Variants in PRDM16 observed in about 807,000 individuals in gnomAD.
PRDM16 encodes histone-lysine N-methyltransferase PRDM16.
A neutral mutation model predicts 110.6 loss-of-function variants in PRDM16; 23 were observed. The ratio of observed to expected loss-of-function variants is 0.21; its 90% confidence interval spans 0.15 to 0.29. The LOEUF is 0.29. PRDM16 is among the 10% of genes least tolerant of loss of function. PRDM16 has a pLI of 1.00. For synonymous variants in PRDM16, 799 were observed against 781.8 expected (o/e 1.02, Z -0.37); for missense variants, 1,615 against 1,794.3 (o/e 0.90, Z 1.81).
chr1:3,308,044 A>G (rs1425091050), intron 3 of PRDM16: 1 of 152,190 alleles, frequency 6.6e-6, no homozygotes, highest in Non-Finnish European at 1.5e-5. Flanking sequence ...ATAAAGGCCC[A>G]AGGGCTCCTG....
chr1:3,261,181 C>T (rs928649391), intron 3 of PRDM16, among the ~76,000 whole-genome samples: 17 of 151,200 alleles, frequency 1.1e-4, no homozygotes, highest in Middle Eastern at 3.4e-3. Context: ...ATGTCCCTCA[C>T]GCCCTGGTCC....
chr1:3,235,790 A>G (rs1639526769), intron 2 of PRDM16, among the ~76,000 whole-genome samples: 3 of 152,206 alleles, frequency 2.0e-5, no homozygotes, highest in African/African-American at 7.2e-5. Flanking sequence ...GCCCTGCTCC[A>G]GGGAATCTCA....
intron 3 of PRDM16, among the ~76,000 whole-genome samples, chr1:3,261,438 C>G (rs1012112847): frequency 5.3e-5 from 8 of 152,170 alleles, no homozygotes; most frequent in Non-Finnish European, 1.2e-4. Context: ...GACGGGGCTT[C>G]TGATAAGCCG....
At chr1:3,402,655 G>T in intron 5 of PRDM16, 136 bp from the exon 6 acceptor site, 1 of 692,006 alleles carries the variant, frequency 1.4e-6, no homozygotes. Flanking sequence ...AGGCTGGAAG[G>T]AAGCAGTGCA....
rs1270256309 is a variant in PRDM16 at position 3,081,966 on chromosome 1, C to A, written c.37+12670C>A. On this transcript the variant is annotated intron_variant, in intron 1 of 16. Transcript: ENST00000270722. This position sits in a 1 kb window ranked among gnomAD's most constrained non-coding sequence, Gnocchi z 4.6. ...ACAGTGTGCCAAGGCAGCGGCAAAG[C>A]CCCCGTGAGCACCAACCCAAGCCTT... is the stretch of plus-strand genomic sequence containing the variant. Among the ~76,000 whole-genome samples the A allele has an allele frequency of 6.6e-6, 1 of 152,232 alleles. No individual in the cohort carries two copies. The highest frequency in any genetic ancestry group is 2.4e-5 in the African/African-American group (1 of 41,466).
chr1:3,241,633 G>A (rs1368446707), intron 2 of PRDM16, among the ~76,000 whole-genome samples: 3 of 152,252 alleles, frequency 2.0e-5, no homozygotes, highest in Non-Finnish European at 2.9e-5. Flanking sequence ...CCAAGCCCAC[G>A]CACGGACCAA....
chr1:3,179,914 T>C (rs2817132), intron 1 of PRDM16, among the ~76,000 whole-genome samples: 120,043 of 151,908 alleles, frequency 0.79, 48,505 homozygotes, highest in Non-Finnish European at 0.86. Flanking sequence ...ACGGTGGACC[T>C]TCCCCAGGCT....
intron 2 of PRDM16, among the ~76,000 whole-genome samples, chr1:3,194,954 G>T (rs1209556315): frequency 1.3e-5 from 2 of 152,208 alleles, no homozygotes; most frequent in Non-Finnish European, 2.9e-5. Context: ...TCTGCGTGAG[G>T]CCAGGAAGCT....
At chr1:3,101,579 GCT>G in intron 1 of PRDM16, among the ~76,000 whole-genome samples, 1 of 152,242 alleles carries the variant, frequency 6.6e-6, no homozygotes, top group East Asian at 1.9e-4. Context: ...CTTGGCCTGA[GCT>G]CTGTCTGTCT....
At position 3,434,765 on chromosome 1, in the gene PRDM16, C is replaced by A; in HGVS notation, c.*954C>A. ...TGGATCCGCCATGCAGAGATGTGGC[C>A]GGGCACCCATCTTCCTTCCCTCCTC... On this transcript the variant is annotated 3_prime_UTR_variant, in exon 17 of 17. Coordinates refer to ENST00000270722, the MANE Select transcript of PRDM16 (RefSeq NM_022114.4). 4.3e-6 allele frequency: 1 copy of A among 232,444 alleles called. No homozygotes were observed. Among genetic ancestry groups the A allele is most frequent in the Non-Finnish European group, 8.5e-6 (1 of 117,542 alleles). 14.4% of individuals were successfully genotyped at this position (232,444 alleles called of 1,614,324 possible). A position where few individuals can be genotyped will look rare whatever the true frequency, so the allele number is the denominator to read the frequency against.
intron 1 of PRDM16, among the ~76,000 whole-genome samples, chr1:3,129,447 A>G (rs2817176): frequency 0.55 from 83,253 of 151,248 alleles, 25,231 homozygotes; most frequent in African/African-American, 0.82. Flanking sequence ...CCTGGTGTGC[A>G]TGTGTCTGTG....
intron 3 of PRDM16, among the ~76,000 whole-genome samples, chr1:3,328,888 G>A (rs534250269): frequency 6.6e-5 from 10 of 152,194 alleles, no homozygotes; most frequent in East Asian, 1.9e-4. Flanking sequence ...TGGACCCCCC[G>A]TTCAGATTCA....
chr1:3,429,648 G>A (rs928106232), intron 14 of PRDM16, among the ~76,000 whole-genome samples: 2 of 152,240 alleles, frequency 1.3e-5, no homozygotes, highest in Admixed American at 1.3e-4. Flanking sequence ...CAGCAGCTCC[G>A]TGGCTGAGGA....
At chr1:3,317,669 G>A (rs1451675194) in intron 3 of PRDM16, among the ~76,000 whole-genome samples, 1 of 152,236 alleles carries the variant, frequency 6.6e-6, no homozygotes, top group Non-Finnish European at 1.5e-5. Flanking sequence ...CTCCTGGGAA[G>A]CCGTCTGAGG....
chr1:3,357,549 A>ATGCCGTGTGCACGCAAAG (rs1557630803), intron 3 of PRDM16, among the ~76,000 whole-genome samples: 2 of 151,722 alleles, frequency 1.3e-5, no homozygotes, highest in African/African-American at 4.9e-5. Flanking sequence ...TTGATCCAGG[A>ATGCCGTGTGCACGCAAAG]AGCGCCGTTC....
chr1:3,116,626 G>A (rs1027682961), intron 1 of PRDM16, among the ~76,000 whole-genome samples: 2 of 152,148 alleles, frequency 1.3e-5, no homozygotes, highest in African/African-American at 2.4e-5. Context: ...CCGCAGCTCC[G>A]GCTCTGATGG....
intron 9 of PRDM16, 31 bp from the exon 10 acceptor site, chr1:3,414,529 G>C: frequency 1.3e-6 from 2 of 1,569,650 alleles, no homozygotes; most frequent in South Asian, 2.3e-5. Context: ...GCGGCTCGGT[G>C]GGGTACGTAA....
At chr1:3,098,397 T>C (rs559175714) in intron 1 of PRDM16, among the ~76,000 whole-genome samples, 1 of 152,218 alleles carries the variant, frequency 6.6e-6, no homozygotes, top group South Asian at 2.1e-4. Flanking sequence ...GCAAGGGGCT[T>C]AATGGTCAGA....
At chr1:3,352,935 C>T (rs1211204487) in intron 3 of PRDM16, among the ~76,000 whole-genome samples, 2 of 152,242 alleles carry the variant, frequency 1.3e-5, no homozygotes, top group Non-Finnish European at 2.9e-5. Context: ...CCGTCCTCTG[C>T]ACAGGGCCCT....
Sources: allele counts gnomAD v4.1 joint callset (sites outside exome capture counted in the v4.1 genomes callset), GRCh38; gene constraint gnomAD v4.1.1; non-coding constraint Gnocchi (gnomAD v3.1); transcripts MANE v1.5; gene names NCBI Gene and HGNC (gene_info 2026-07-23, HGNC 2026-07-21).